Variants in SLC30A7 observed in about 807,000 individuals in gnomAD.
The protein encoded by SLC30A7 is zinc transporter 7.
SLC30A7 carries 35 observed loss-of-function variants against 46.0 expected under a neutral mutation model. The observed-to-expected ratio is 0.76, with a 90% confidence interval of 0.58 to 1.01. The LOEUF is 1.01. SLC30A7 is among the 50% of genes least tolerant of loss of function. The pLI, the probability that SLC30A7 is intolerant of heterozygous loss-of-function variation, is 0.00. For missense variants in SLC30A7, 464 were observed against 451.1 expected (o/e 1.03, Z -0.26); for synonymous variants, 147 against 157.8 (o/e 0.93, Z 0.51).
Position 100,979,324 on chromosome 1 carries a change from T to C in SLC30A7, c.*4467T>C, listed in dbSNP as rs1656765796. 6.6e-6 allele frequency: 1 copy of C among 151,318 alleles called. No homozygotes were observed. Among genetic ancestry groups the C allele is most frequent in the South Asian group, 2.1e-4 (1 of 4,808 alleles). The allele number at this position is 151,318 out of a possible 1,614,324, so 9.4% of individuals were successfully genotyped here. A position where few individuals can be genotyped will look rare whatever the true frequency, so the allele number is the denominator to read the frequency against. ...ATAAAAGGAAATTATATGTTTTTCTTTGGACATTCATTGGAAGGCTTGTTG... is the reference window on the plus strand; with the variant it reads ...ATAAAAGGAAATTATATGTTTTTCTCTGGACATTCATTGGAAGGCTTGTTG... On this transcript the variant is annotated 3_prime_UTR_variant, in exon 11 of 11. Coordinates refer to ENST00000357650, the MANE Select transcript of SLC30A7 (RefSeq NM_133496.5).
Position 100,906,868 on chromosome 1 carries a change from G to T in SLC30A7, c.199G>T (p.Asp67Tyr). 6.2e-7 allele frequency: 1 copy of T among 1,612,506 alleles called. No homozygotes were observed. Among genetic ancestry groups the T allele is most frequent in the Non-Finnish European group, 8.5e-7 (1 of 1,178,952 alleles). ...CTTTTCCAGCTTAGGCTTGATTTCC[G>T]ACTCTTTTCACATGTTTTTCGATAG... ...IWSNCLGLIS[D>Y]SFHMFFDSTA... The change falls in exon 3 of 11, where the codon GAC becomes TAC. Residue 67 changes from aspartate to tyrosine, a missense_variant. Physicochemically the swap from Asp to Tyr is radical, Grantham distance 160. Coordinates refer to ENST00000357650, the MANE Select transcript of SLC30A7 (RefSeq NM_133496.5).
chr1:100,914,922 A>G (rs957853383), intron 6 of SLC30A7, among the ~76,000 whole-genome samples: 1 of 151,808 alleles, frequency 6.6e-6, no homozygotes, highest in African/African-American at 2.4e-5. Flanking sequence ...ATAGAGCTAG[A>G]CTCTGTCTAA....
the SLC30A7 span, among the ~76,000 whole-genome samples, chr1:100,989,415 G>A: frequency 1.3e-5 from 2 of 152,134 alleles, no homozygotes; most frequent in Non-Finnish European, 2.9e-5. Flanking sequence ...TATGAGCCAC[G>A]TAATTAGGAT....
At chr1:100,994,981 G>A in the SLC30A7 span, 1 of 619,496 alleles carries the variant, frequency 1.6e-6, no homozygotes, top group African/African-American at 1.8e-5. Context: ...GAATAAAAAT[G>A]CTTAATGTTC....
chr1:100,983,339 T>C (rs116360394), downstream of SLC30A7, among the ~76,000 whole-genome samples: 899 of 114,558 alleles, frequency 7.8e-3, 15 homozygotes, highest in African/African-American at 0.026. Flanking sequence ...TCTAGTTCAT[T>C]AAAACATTAT....
intron 6 of SLC30A7, among the ~76,000 whole-genome samples, chr1:100,914,800 C>T (rs1652372180): frequency 6.6e-6 from 1 of 152,062 alleles, no homozygotes; most frequent in African/African-American, 2.4e-5. Context: ...GCCTTCTAAG[C>T]CCTTCATTTT....
chr1:100,919,523 A>G (rs1652815338), intron 7 of SLC30A7, among the ~76,000 whole-genome samples: 1 of 152,144 alleles, frequency 6.6e-6, no homozygotes. Flanking sequence ...CAGGTTTTCC[A>G]TTTACAAAAG....
intron 8 of SLC30A7, among the ~76,000 whole-genome samples, chr1:100,929,186 G>C (rs1002820963): frequency 2.0e-5 from 3 of 151,472 alleles, no homozygotes; most frequent in Non-Finnish European, 4.4e-5. Context: ...ATGTTAATTG[G>C]CTCTCTCTGG....
At chr1:100,910,872 C>CA (rs1652037605) in intron 3 of SLC30A7, among the ~76,000 whole-genome samples, 191 bp from the exon 4 acceptor site, 1 of 152,242 alleles carries the variant, frequency 6.6e-6, no homozygotes, top group East Asian at 1.9e-4. Context: ...TGCTTTTGAA[C>CA]AATTCGTACT....
chr1:100,930,599 T>C (rs2101044372), intron 8 of SLC30A7, among the ~76,000 whole-genome samples: 1 of 152,034 alleles, frequency 6.6e-6, no homozygotes, highest in South Asian at 2.1e-4. Flanking sequence ...TTTTTTAATA[T>C]GTAGAAAGTT....
At chr1:100,947,855 G>T (rs906540418) in intron 8 of SLC30A7, among the ~76,000 whole-genome samples, 1 of 152,162 alleles carries the variant, frequency 6.6e-6, no homozygotes, top group African/African-American at 2.4e-5. Context: ...TTTTATCAGA[G>T]ACTAGGATTG....
At chr1:100,927,902 T>G (rs1653410947) in intron 8 of SLC30A7, among the ~76,000 whole-genome samples, 1 of 152,012 alleles carries the variant, frequency 6.6e-6, no homozygotes, top group African/African-American at 2.4e-5. Context: ...GTATTAAGAA[T>G]GGAGGTATTA....
intron 10 of SLC30A7, among the ~76,000 whole-genome samples, chr1:100,969,484 A>C (rs898223622): frequency 2.6e-5 from 4 of 152,172 alleles, no homozygotes; most frequent in African/African-American, 9.7e-5. Context: ...TTCTAGTTTT[A>C]GAAATGTGCA....
At chr1:100,921,950 C>CTTTTT (rs11166531) in intron 8 of SLC30A7, 109 bp downstream of exon 8, 44 of 398,592 alleles carry the variant, frequency 1.1e-4, no homozygotes, top group African/African-American at 2.9e-4. Context: ...CCTTTGCTTG[C>CTTTTT]TTTTTTTTTT....
chr1:100,933,712 C>G (rs948779413), intron 8 of SLC30A7, among the ~76,000 whole-genome samples: 1 of 152,118 alleles, frequency 6.6e-6, no homozygotes, highest in Non-Finnish European at 1.5e-5. Context: ...TGGTGGTTTC[C>G]AGCTTCATCC....
chr1:100,931,495 T>G (rs1163977579), intron 8 of SLC30A7, among the ~76,000 whole-genome samples: 1 of 152,182 alleles, frequency 6.6e-6, no homozygotes, highest in Non-Finnish European at 1.5e-5. Flanking sequence ...TTACTAGGAT[T>G]GCTTACTGGA....
chr1:100,898,673 A>G (rs779179470), intron 2 of SLC30A7, among the ~76,000 whole-genome samples: 30 of 152,282 alleles, frequency 2.0e-4, no homozygotes, highest in Non-Finnish European at 3.5e-4. Flanking sequence ...CTGGCCTTTT[A>G]ATAATCTGGC....
chr1:100,969,288 A>G (rs1656024240), intron 10 of SLC30A7, among the ~76,000 whole-genome samples: 1 of 152,208 alleles, frequency 6.6e-6, no homozygotes. Context: ...TAACCAGGCT[A>G]GCAGTAATGT....
intron 8 of SLC30A7, among the ~76,000 whole-genome samples, chr1:100,948,673 G>T (rs982837436): frequency 7.9e-5 from 12 of 152,098 alleles, no homozygotes; most frequent in African/African-American, 2.7e-4. Context: ...GTCACTTTCA[G>T]GTATACTAGT....
Sources: gnomAD v4.1 joint callset for allele counts (sites outside exome capture counted in the v4.1 genomes callset) on GRCh38, gnomAD v4.1.1 for gene constraint, MANE v1.5 for transcripts, NCBI Gene and HGNC (gene_info 2026-07-23, HGNC 2026-07-21) for gene names.